The following STXBP5L variants were observed in gnomAD, a reference collection of about 807,000 sequenced individuals.
STXBP5L encodes syntaxin-binding protein 5-like.
In STXBP5L, 65 loss-of-function variants were observed where a neutral mutation model predicts 144.5. The observed-to-expected ratio is 0.45, with a 90% CI of 0.37 to 0.55. STXBP5L has a LOEUF of 0.55. Ranked by LOEUF, STXBP5L falls within the 20% of genes least tolerant of loss-of-function variation. The pLI, the probability that STXBP5L is intolerant of heterozygous loss-of-function variation, is 0.00. For missense variants in STXBP5L, 1,298 were observed against 1,405.5 expected (o/e 0.92, Z 1.22); for synonymous variants, 505 against 469.6 (o/e 1.08, Z -0.97).
intron 20 of STXBP5L, among the ~76,000 whole-genome samples, chr3:121,340,795 A>T (rs1177389439): frequency 6.6e-6 from 1 of 152,110 alleles, no homozygotes; most frequent in Non-Finnish European, 1.5e-5. Context: ...AAATAACAAC[A>T]ACTTTTCAAG....
chr3:121,341,427 A>C (rs2044707640), intron 20 of STXBP5L, among the ~76,000 whole-genome samples: 1 of 152,266 alleles, frequency 6.6e-6, no homozygotes, highest in Non-Finnish European at 1.5e-5. Flanking sequence ...GGGAATGTAA[A>C]TTAGTACAGC....
intron 9 of STXBP5L, among the ~76,000 whole-genome samples, chr3:121,174,269 TGATA>T (rs1351447691): frequency 6.6e-6 from 1 of 152,164 alleles, no homozygotes; most frequent in Non-Finnish European, 1.5e-5. Flanking sequence ...TTAACTTCTA[TGATA>T]GATTTGTATA....
At chr3:121,231,617 G>A (rs983896427) in intron 11 of STXBP5L, among the ~76,000 whole-genome samples, 2 of 152,112 alleles carry the variant, frequency 1.3e-5, no homozygotes. Context: ...ATCTCAGATG[G>A]CTAGAGCAAG....
chr3:121,280,353 T>A (rs2051016937), intron 19 of STXBP5L, among the ~76,000 whole-genome samples: 2 of 151,922 alleles, frequency 1.3e-5, no homozygotes, highest in South Asian at 4.1e-4. Context: ...TTTAAAGAGA[T>A]AATTTTAGGT....
At chr3:121,344,300 A>T (rs1205306612) in intron 20 of STXBP5L, among the ~76,000 whole-genome samples, 1 of 152,158 alleles carries the variant, frequency 6.6e-6, no homozygotes, top group Non-Finnish European at 1.5e-5. Context: ...AAAACCCTAA[A>T]AGAAAACCTA....
chr3:121,306,135 TG>T (rs1226072686), intron 19 of STXBP5L, among the ~76,000 whole-genome samples: 1 of 152,168 alleles, frequency 6.6e-6, no homozygotes, highest in Non-Finnish European at 1.5e-5. Flanking sequence ...CTCCAGAAAT[TG>T]TCGTAAGGGC....
At chr3:121,311,282 C>G (rs947855311) in intron 19 of STXBP5L, among the ~76,000 whole-genome samples, 1 of 152,068 alleles carries the variant, frequency 6.6e-6, no homozygotes, top group Non-Finnish European at 1.5e-5. Flanking sequence ...GCAAAATAGA[C>G]AGCCCCTGTC....
At chr3:120,969,897 G>T (rs2107788880) in intron 3 of STXBP5L, among the ~76,000 whole-genome samples, 1 of 151,908 alleles carries the variant, frequency 6.6e-6, no homozygotes, top group Middle Eastern at 3.4e-3. Context: ...TTCCTTTGTG[G>T]TTAAGTGAAT....
At chr3:121,310,225 G>A (rs2043478148) in intron 19 of STXBP5L, among the ~76,000 whole-genome samples, 1 of 152,184 alleles carries the variant, frequency 6.6e-6, no homozygotes, top group Non-Finnish European at 1.5e-5. Context: ...GTTTGGCACT[G>A]ACTACTTAGG....
At chr3:121,370,712 C>CT (rs1417081443) in intron 20 of STXBP5L, among the ~76,000 whole-genome samples, 3 of 152,226 alleles carry the variant, frequency 2.0e-5, no homozygotes, top group African/African-American at 7.2e-5. Flanking sequence ...CATTTTCATG[C>CT]TTTTTTCTTT....
At chr3:121,158,714 G>C (rs1401194) in intron 9 of STXBP5L, 15,104 of 152,092 alleles carry the variant, frequency 0.099, 1,185 homozygotes, top group Admixed American at 0.2. Context: ...GATAAGTTCT[G>C]TCCACACACC....
chr3:121,297,832 C>T (rs1604881), intron 19 of STXBP5L, among the ~76,000 whole-genome samples: 15,124 of 151,938 alleles, frequency 0.1, 1,186 homozygotes, highest in Admixed American at 0.2. Flanking sequence ...GAAAGTGAAA[C>T]GCTGAAAAAG....
chr3:121,108,950 A>G (rs2043845443), intron 5 of STXBP5L, among the ~76,000 whole-genome samples: 2 of 152,054 alleles, frequency 1.3e-5, no homozygotes, highest in South Asian at 2.1e-4. Flanking sequence ...GGGAGGCTGT[A>G]TGTGTTCAGG....
intron 7 of STXBP5L, among the ~76,000 whole-genome samples, chr3:121,127,045 G>C (rs2044738574): frequency 6.7e-6 from 1 of 148,546 alleles, no homozygotes; most frequent in African/African-American, 2.6e-5. Context: ...CCAAAGATTA[G>C]AGTGTGGGTG....
At chr3:121,275,752 G>C (rs2050861487) in intron 18 of STXBP5L, among the ~76,000 whole-genome samples, 1 of 152,024 alleles carries the variant, frequency 6.6e-6, no homozygotes, top group African/African-American at 2.4e-5. Flanking sequence ...ATCTTCTTAA[G>C]AAATTGATTC....
At chr3:121,049,346 TC>T (rs1235112211) in intron 5 of STXBP5L, among the ~76,000 whole-genome samples, 1 of 151,812 alleles carries the variant, frequency 6.6e-6, no homozygotes. Flanking sequence ...GGCCTAAGAG[TC>T]CAGTGTGGGG....
At chr3:121,330,881 A>G (rs1386565971) in intron 20 of STXBP5L, among the ~76,000 whole-genome samples, 1 of 152,174 alleles carries the variant, frequency 6.6e-6, no homozygotes. Context: ...GCCTATTTAT[A>G]ACCAAGGAAT....
intron 19 of STXBP5L, among the ~76,000 whole-genome samples, chr3:121,300,275 G>C (rs1302127270): frequency 6.6e-6 from 1 of 151,974 alleles, no homozygotes; most frequent in Non-Finnish European, 1.5e-5. Flanking sequence ...TGTACTATAA[G>C]AAATAGTAAA....
At chr3:121,216,465 G>T (rs2048780674) in intron 10 of STXBP5L, among the ~76,000 whole-genome samples, 1 of 152,106 alleles carries the variant, frequency 6.6e-6, no homozygotes, top group African/African-American at 2.4e-5. Context: ...GCTAGAGTTT[G>T]CTGAAGGTTC....
Sources: gnomAD v4.1 joint callset for allele counts (sites outside exome capture counted in the v4.1 genomes callset) on GRCh38, gnomAD v4.1.1 for gene constraint, MANE v1.5 for transcripts, NCBI Gene and HGNC (gene_info 2026-07-23, HGNC 2026-07-21) for gene names.